CFAP58: variants seen among roughly 807,000 people sequenced by gnomAD.
CFAP58 encodes cilia- and flagella-associated protein 58.
Under a neutral mutation model 119.5 loss-of-function variants are expected in CFAP58, and 88 were observed. The ratio of observed to expected loss-of-function variants is 0.74; its 90% CI spans 0.62 to 0.88. The LOEUF (loss-of-function observed/expected upper bound fraction) is 0.88, where lower values mean the gene tolerates loss of function less well. Among genes scored for constraint, CFAP58 ranks in the 40% least tolerant of loss-of-function variants. CFAP58 has a pLI of 0.00. For missense variants in CFAP58, 990 were observed against 1,021.2 expected, an observed-to-expected ratio of 0.97 and a Z score of 0.42; for synonymous variants, 365 against 366.3, an observed-to-expected ratio of 1.00 and a Z score of 0.04.
chr10:104,364,129 C>A lies in CFAP58; in HGVS notation c.441-604C>A, dbSNP rs142037358. ...CTGCATTCATTTGGGAGAAACTAAT[C>A]TTTTTGGGTAAATTGATAGAAAACT... is the stretch of plus-strand genomic sequence containing the variant. On this transcript the variant is annotated intron_variant, in intron 3 of 17. Coordinates refer to ENST00000369704, the MANE Select transcript of CFAP58 (RefSeq NM_001008723.2). 1.1e-3 allele frequency among the ~76,000 whole-genome samples: 161 copies of A among 152,222 alleles called. 5 individuals are homozygous for A. In the East Asian group the frequency reaches 0.022, roughly 20 times the overall value.
intron 15 of CFAP58, among the ~76,000 whole-genome samples, chr10:104,436,431 G>A (rs761850121): frequency 6.6e-6 from 1 of 152,094 alleles, no homozygotes; most frequent in Non-Finnish European, 1.5e-5. Flanking sequence ...GTGGCTCATC[G>A]TTCTGTAGAC....
chr10:104,338,763 G>A, the CFAP58 span, among the ~76,000 whole-genome samples: 63 of 152,366 alleles, frequency 4.1e-4, no homozygotes, highest in African/African-American at 1.4e-3. Flanking sequence ...CTTACCAGTC[G>A]GGGAGAGTTT....
chr10:104,415,342 A>G (rs1281558500), intron 15 of CFAP58, among the ~76,000 whole-genome samples: 12 of 152,154 alleles, frequency 7.9e-5, no homozygotes, highest in Non-Finnish European at 8.8e-5. Context: ...TTTGAGCTCT[A>G]GTACCGCTGG....
intron 8 of CFAP58, 140 bp from the exon 9 acceptor site, chr10:104,379,889 A>C (rs1425884069): frequency 7.7e-6 from 6 of 778,370 alleles, no homozygotes; most frequent in Non-Finnish European, 1.3e-5. Flanking sequence ...AACTCTTAAT[A>C]AGCTGTAGAG....
intron 15 of CFAP58, among the ~76,000 whole-genome samples, chr10:104,444,178 T>C (rs2013079481): frequency 6.6e-6 from 1 of 152,182 alleles, no homozygotes; most frequent in South Asian, 2.1e-4. Flanking sequence ...ACCAGAAAAC[T>C]CGGAATAAAA....
chr10:104,416,022 G>T (rs1205174868), intron 15 of CFAP58, among the ~76,000 whole-genome samples: 1 of 152,174 alleles, frequency 6.6e-6, no homozygotes, highest in Non-Finnish European at 1.5e-5. Context: ...CAGATGGTGG[G>T]GGTGAAATGA....
chr10:104,430,094 C>T (rs1320953169), intron 15 of CFAP58, among the ~76,000 whole-genome samples: 1 of 152,118 alleles, frequency 6.6e-6, no homozygotes, highest in East Asian at 1.9e-4. Context: ...AGGGTGGCTG[C>T]ACATGGTGAG....
At chr10:104,384,869 A>G (rs969119564) in intron 9 of CFAP58, among the ~76,000 whole-genome samples, 2 of 152,188 alleles carry the variant, frequency 1.3e-5, no homozygotes, top group African/African-American at 4.8e-5. Context: ...GGTGGTGAGC[A>G]GGAAATAGGG....
At chr10:104,412,639 G>A (rs940138361) in intron 15 of CFAP58, among the ~76,000 whole-genome samples, 1 of 152,150 alleles carries the variant, frequency 6.6e-6, no homozygotes, top group African/African-American at 2.4e-5. Context: ...GAATTCTTCT[G>A]AGTATCACAG....
intron 15 of CFAP58, among the ~76,000 whole-genome samples, chr10:104,439,336 A>C (rs1043172455): frequency 6.6e-6 from 1 of 152,204 alleles, no homozygotes; most frequent in African/African-American, 2.4e-5. Flanking sequence ...TGTGCACTAT[A>C]GTAGTCAGAT....
intron 15 of CFAP58, among the ~76,000 whole-genome samples, chr10:104,437,685 T>C (rs1358085533): frequency 1.3e-5 from 2 of 152,122 alleles, no homozygotes; most frequent in Non-Finnish European, 2.9e-5. Context: ...TGAACAAGTA[T>C]AAGTATAGGC....
chr10:104,439,808 A>C (rs1359968956), intron 15 of CFAP58, among the ~76,000 whole-genome samples: 2 of 152,188 alleles, frequency 1.3e-5, no homozygotes, highest in African/African-American at 4.8e-5. Flanking sequence ...TAAATTTGGA[A>C]GTGACTTACT....
chr10:104,370,970 A>G lies in CFAP58; in HGVS notation c.1006A>G (p.Lys336Glu). 6.2e-7 allele frequency: 1 copy of G among 1,613,780 alleles called. No homozygotes were observed. Among genetic ancestry groups the G allele is most frequent in the Non-Finnish European group, 8.5e-7 (1 of 1,179,934 alleles). ...CAAAATCAGAGAACAAATTCATAAGAAATTGCACCACACCGAAGATCAAAA... is the reference window on the plus strand; with the variant it reads ...CAAAATCAGAGAACAAATTCATAAGGAATTGCACCACACCGAAGATCAAAA... ...LNKIREQIHK[K>E]LHHTEDQKAE... The change falls in exon 7 of 18, where the codon AAA becomes GAA. Residue 336 changes from lysine to glutamate, a missense_variant. Physicochemically the swap from Lys to Glu is moderately conservative, Grantham distance 56. Transcript: ENST00000369704.
At chr10:104,387,490 A>G (rs2011947851) in intron 9 of CFAP58, among the ~76,000 whole-genome samples, 1 of 152,218 alleles carries the variant, frequency 6.6e-6, no homozygotes, top group Admixed American at 6.6e-5. Flanking sequence ...CAGCAAGGGA[A>G]ATGCACTTCT....
intron 9 of CFAP58, among the ~76,000 whole-genome samples, chr10:104,385,082 T>A (rs898602383): frequency 6.6e-6 from 1 of 152,092 alleles, no homozygotes; most frequent in Non-Finnish European, 1.5e-5. Context: ...GATTGCACTT[T>A]GGTGGCACAG....
Position 104,403,808 on chromosome 10 carries a change from C to T in CFAP58, c.2119C>T (p.Pro707Ser), listed in dbSNP as rs1193449263. 1 of 1,611,166 alleles carries T rather than the reference C, an allele frequency of 6.2e-7. No individual in the cohort carries two copies. Among genetic ancestry groups the T allele is most frequent in the Non-Finnish European group, 8.5e-7 (1 of 1,178,462 alleles). The change falls in exon 14 of 18, where the codon CCC becomes TCC. Residue 707 changes from proline (P) to serine (S), a missense_variant. By Grantham distance (74) the Pro-to-Ser change is moderately conservative. Transcript: ENST00000369704. ...CRALEEELEN[P>S]LNVHRWRKLE... is the part of the protein sequence containing the mutation. ...AGCCCTGGAGGAGGAGCTGGAGAAT[C>T]CCCTGAATGTGCACAGATGGAGGAA...
intron 5 of CFAP58, among the ~76,000 whole-genome samples, chr10:104,368,116 C>G (rs2014775803): frequency 6.6e-6 from 1 of 152,262 alleles, no homozygotes; most frequent in Non-Finnish European, 1.5e-5. Flanking sequence ...TATGCGAAGC[C>G]TGCCAAATGG....
intron 14 of CFAP58, 51 bp from the exon 15 acceptor site, chr10:104,406,638 T>G: frequency 6.9e-7 from 1 of 1,448,578 alleles, no homozygotes; most frequent in Non-Finnish European, 9.7e-7. Flanking sequence ...GAGGCCTCAG[T>G]GCTTTGAAGC....
intron 15 of CFAP58, among the ~76,000 whole-genome samples, chr10:104,415,450 G>A (rs1473054161): frequency 2.0e-5 from 3 of 152,184 alleles, no homozygotes; most frequent in African/African-American, 7.2e-5. Context: ...CCCACTGGTT[G>A]ATTGTTGCCC....
Sources: allele counts gnomAD v4.1 joint callset (sites outside exome capture counted in the v4.1 genomes callset), GRCh38; gene constraint gnomAD v4.1.1; transcripts MANE v1.5; gene names NCBI Gene and HGNC (gene_info 2026-07-23, HGNC 2026-07-21).